Variants in GOLIM4 observed in about 807,000 individuals in gnomAD.
The protein encoded by GOLIM4 is 130 kDa golgi-localized phosphoprotein.
Under a neutral mutation model 107.4 loss-of-function variants are expected in GOLIM4, and 71 were observed. The observed-to-expected ratio is 0.66, with a 90% confidence interval of 0.55 to 0.81. The LOEUF (loss-of-function observed/expected upper bound fraction) is 0.81. Ranked by LOEUF, GOLIM4 falls within the 30% of genes least tolerant of loss-of-function variation. The pLI is 0.00. For missense variants in GOLIM4, 830 were observed against 826.1 expected (o/e 1.00, Z -0.06); for synonymous variants, 327 against 294.8 (o/e 1.11, Z -1.12).
chr3:168,083,184 G>A (rs1472266147), intron 1 of GOLIM4, among the ~76,000 whole-genome samples: 2 of 152,004 alleles, frequency 1.3e-5, no homozygotes, highest in Non-Finnish European at 2.9e-5. Context: ...ATTTTTAAAT[G>A]ACTTTCAAAG....
chr3:168,017,739 T>C (rs1309212766), intron 14 of GOLIM4, among the ~76,000 whole-genome samples: 1 of 152,226 alleles, frequency 6.6e-6, no homozygotes, highest in African/African-American at 2.4e-5. Context: ...CTTAAGAATA[T>C]ATTTCTCTGG....
intron 7 of GOLIM4, among the ~76,000 whole-genome samples, chr3:168,040,584 C>T (rs948612583): frequency 1.3e-5 from 2 of 152,078 alleles, no homozygotes; most frequent in East Asian, 1.9e-4. Context: ...ATTTATGTAC[C>T]GCACAACCAG....
In GOLIM4 at chr3:168,036,860, C is replaced by T; in HGVS notation, c.819G>A (p.Glu273=). The change falls in exon 8 of 16, where the codon GAG becomes GAA. Residue 273 remains glutamate, a synonymous_variant. Transcript: ENST00000470487. ...HSPQGYNTAR[E]KPTREVQEVS... ...CCTCCTGCACCTCTCGGGTTGGCTT[C>T]TCCCTTGCTGTGTTGTAACCTTGTG... 6.2e-7 allele frequency: 1 copy of T among 1,613,196 alleles called. No individual in the cohort carries two copies. Among genetic ancestry groups the T allele is most frequent in the Non-Finnish European group, 8.5e-7 (1 of 1,179,388 alleles).
In GOLIM4 at chr3:168,041,449, C is replaced by G. The variant is rs1379097443; in HGVS notation, c.543G>C (p.Glu181Asp). Residue 181 changes from glutamate (E) to aspartate (D), a missense_variant, in exon 6 of 16, where the codon GAG becomes GAC. Transcript: ENST00000470487. ...LKETVYNLREENRQLRKAHQD... is the reference protein window; with the variant it reads ...LKETVYNLREDNRQLRKAHQD... ...GGTGTGCTTTCCTTAGTTGTCTATT[C>G]TCTTCTCTCAAATTGTATACAGTCT... 4 of 1,568,442 alleles carry G rather than the reference C, an allele frequency of 2.6e-6. No homozygotes were observed. Among genetic ancestry groups the G allele is most frequent in the African/African-American group, 1.4e-5 (1 of 74,066 alleles).
chr3:168,079,828 T>A (rs80063749), intron 1 of GOLIM4, among the ~76,000 whole-genome samples: 1,785 of 152,262 alleles, frequency 0.012, 35 homozygotes, highest in African/African-American at 0.04. Flanking sequence ...TATTTTAATA[T>A]ATACCTGCTC....
intron 1 of GOLIM4, among the ~76,000 whole-genome samples, chr3:168,066,943 G>C (rs1372369762): frequency 6.6e-6 from 1 of 152,046 alleles, no homozygotes. Context: ...TAGTTCTTGT[G>C]AGTGTGATTC....
chr3:168,028,379 G>T (rs1321587641), intron 11 of GOLIM4, among the ~76,000 whole-genome samples: 7 of 152,168 alleles, frequency 4.6e-5, no homozygotes, highest in Non-Finnish European at 1.0e-4. Context: ...TTTACTTGCT[G>T]CTTTTTGAAA....
chr3:168,040,123 C>T (rs905261095), intron 7 of GOLIM4, among the ~76,000 whole-genome samples: 1 of 152,130 alleles, frequency 6.6e-6, no homozygotes, highest in Non-Finnish European at 1.5e-5. Context: ...TTCCTGTTTC[C>T]TTCCTTCTGC....
intron 14 of GOLIM4, among the ~76,000 whole-genome samples, chr3:168,022,345 A>ACG (rs1717746302): frequency 6.6e-6 from 1 of 151,146 alleles, no homozygotes; most frequent in Non-Finnish European, 1.5e-5. Context: ...AAAAAAAAAA[A>ACG]ACAACAACAA....
chr3:168,078,344 C>A (rs1721171911), intron 1 of GOLIM4, among the ~76,000 whole-genome samples: 1 of 152,070 alleles, frequency 6.6e-6, no homozygotes, highest in Non-Finnish European at 1.5e-5. Context: ...AAATCAATTA[C>A]ATTTTTATAC....
chr3:168,033,430 C>T (rs1223483374), intron 8 of GOLIM4, among the ~76,000 whole-genome samples: 1 of 127,250 alleles, frequency 7.9e-6, no homozygotes, highest in Non-Finnish European at 1.7e-5. Flanking sequence ...ACAGTGAAAC[C>T]CCGTCTCTAC....
At chr3:168,052,463 G>A (rs1719709134) in intron 1 of GOLIM4, among the ~76,000 whole-genome samples, 1 of 151,826 alleles carries the variant, frequency 6.6e-6, no homozygotes, top group Non-Finnish European at 1.5e-5. Context: ...AATGACATTG[G>A]TCTCAGTTTT....
intron 8 of GOLIM4, among the ~76,000 whole-genome samples, chr3:168,034,518 G>A (rs1413961666): frequency 3.9e-5 from 6 of 152,232 alleles, no homozygotes; most frequent in Admixed American, 3.9e-4. Flanking sequence ...ACAGAGTGAA[G>A]AGGCTCATAT....
chr3:168,071,800 A>T (rs1374416397), intron 1 of GOLIM4, among the ~76,000 whole-genome samples: 1 of 152,118 alleles, frequency 6.6e-6, no homozygotes, highest in Admixed American at 6.6e-5. Flanking sequence ...TAATTAAAAA[A>T]TTCCTTACTC....
Position 168,072,800 on chromosome 3 carries a change from T to C in GOLIM4, c.187+22299A>G, listed in dbSNP as rs370689421. The stretch of plus-strand genomic sequence containing the variant: ...ACAGTAAGAAGCTAACAACAGCAAA[T>C]AATACTATAAAAAACAATCACTACT... On this transcript the variant is annotated intron_variant, in intron 1 of 15. Coordinates refer to ENST00000470487, the MANE Select transcript of GOLIM4 (RefSeq NM_014498.5). Among the ~76,000 whole-genome samples the C allele has an allele frequency of 7.2e-5, 11 of 152,106 alleles. No homozygotes were observed. In the East Asian group the frequency reaches 1.4e-3, roughly 19 times the overall value.
In GOLIM4 at chr3:168,018,525, A is replaced by T. The variant is rs139458809; in HGVS notation, c.1860+6001T>A. On this transcript the variant is annotated intron_variant, in intron 14 of 15. Transcript: ENST00000470487. ...TTGAGGACAAAGGCATCGAATATCT[A>T]TTGTATTCATATTTCCTGGTGGAAT... is the stretch of plus-strand genomic sequence containing the variant. Among the ~76,000 whole-genome samples, 322 of 152,244 alleles carry T rather than the reference A, an allele frequency of 2.1e-3. 2 individuals are homozygous for T. Among genetic ancestry groups the T allele is most frequent in the African/African-American group, 7.6e-3 (314 of 41,556 alleles).
chr3:168,039,511 G>T (rs1215289072), intron 7 of GOLIM4, among the ~76,000 whole-genome samples: 2 of 152,100 alleles, frequency 1.3e-5, no homozygotes, highest in East Asian at 3.9e-4. Context: ...TGATCCACCC[G>T]CCTCGGCCTC....
At chr3:168,088,996 G>A (rs555127838) in intron 1 of GOLIM4, among the ~76,000 whole-genome samples, 4 of 152,186 alleles carry the variant, frequency 2.6e-5, no homozygotes, top group Non-Finnish European at 4.4e-5. Flanking sequence ...ATTAGAGTTG[G>A]CATGTTACAT....
At chr3:168,039,325 C>T (rs2108241084) in intron 7 of GOLIM4, among the ~76,000 whole-genome samples, 1 of 148,820 alleles carries the variant, frequency 6.7e-6, no homozygotes. Context: ...TGCAGTGGTG[C>T]AATCTCGGCT....
Sources: gnomAD v4.1 joint callset for allele counts (sites outside exome capture counted in the v4.1 genomes callset) on GRCh38, gnomAD v4.1.1 for gene constraint, MANE v1.5 for transcripts, NCBI Gene and HGNC (gene_info 2026-07-23, HGNC 2026-07-21) for gene names.